The following INTS6 variants were observed in gnomAD, a reference collection of about 807,000 sequenced individuals.
The protein encoded by INTS6 is integrator complex subunit 6.
Under a neutral mutation model 104.9 loss-of-function variants are expected in INTS6, and 16 were observed. The observed-to-expected ratio is 0.15, with a 90% confidence interval of 0.10 to 0.23. The LOEUF is 0.23. Among genes scored for constraint, INTS6 ranks in the 10% least tolerant of loss-of-function variants. INTS6 has a pLI of 1.00. For synonymous variants in INTS6, 324 were observed against 358.7 expected (o/e 0.90, Z 1.09); for missense variants, 584 against 1,062.8 (o/e 0.55, Z 6.26).
chr13:51,394,140 T>C (rs1266063275), intron 5 of INTS6, among the ~76,000 whole-genome samples: 2 of 152,140 alleles, frequency 1.3e-5, no homozygotes, highest in African/African-American at 4.8e-5. Context: ...CGACTGTCAC[T>C]GAAAAATATT....
chr13:51,338,609 TA>T, the INTS6 span, among the ~76,000 whole-genome samples: 1 of 152,216 alleles, frequency 6.6e-6, no homozygotes, highest in Non-Finnish European at 1.5e-5. Context: ...TAGAATAAGT[TA>T]AACCTGTTTA....
chr13:51,364,037 A>C lies in INTS6; in HGVS notation c.*1715T>G, dbSNP rs1033788573. On this transcript the variant is annotated 3_prime_UTR_variant, in exon 18 of 18. Coordinates refer to ENST00000311234, the MANE Select transcript of INTS6 (RefSeq NM_012141.3). ...GTAATTCCAGAATCTAAATATATAT[A>C]ATTTAGGAACAGACAATATATTCTG... The C allele has an allele frequency of 5.5e-5, 19 of 348,378 alleles. No individual in the cohort carries two copies. Among genetic ancestry groups the C allele is most frequent in the Non-Finnish European group, 4.6e-5 (9 of 196,514 alleles). 21.6% of individuals were successfully genotyped at this position (348,378 alleles called of 1,614,324 possible).
chr13:51,367,305 T>C (rs1310876692), intron 17 of INTS6, among the ~76,000 whole-genome samples: 2 of 152,002 alleles, frequency 1.3e-5, no homozygotes, highest in East Asian at 1.9e-4. Flanking sequence ...CAATCTGTGG[T>C]TGCTTGAATC....
chr13:51,449,842 T>G, intron 3 of INTS6: 1 of 985,388 alleles, frequency 1.0e-6, no homozygotes, highest in East Asian at 1.1e-4. Flanking sequence ...CATAAAAGTA[T>G]TAATGTGGTA....
chr13:51,450,412 C>T, intron 3 of INTS6: 2 of 985,190 alleles, frequency 2.0e-6, no homozygotes, highest in Non-Finnish European at 2.4e-6. Context: ...TATTTTCCAG[C>T]AGTCTTTTTT....
At chr13:51,340,773 G>T in the INTS6 span, 1 of 426,116 alleles carries the variant, frequency 2.3e-6, no homozygotes. Flanking sequence ...CTTTGCTTCT[G>T]ATCTGACCAG....
At chr13:51,386,017 G>A (rs1044546058) in intron 7 of INTS6, among the ~76,000 whole-genome samples, 2 of 152,116 alleles carry the variant, frequency 1.3e-5, no homozygotes, top group Non-Finnish European at 2.9e-5. Context: ...AAAGTCATAA[G>A]CAATTTGGTT....
chr13:51,449,532 C>T (rs1416604068), intron 3 of INTS6: 9 of 984,970 alleles, frequency 9.1e-6, no homozygotes, highest in Non-Finnish European at 1.1e-5. Flanking sequence ...TGTCCAAATG[C>T]CTTGACCACT....
intron 15 of INTS6, among the ~76,000 whole-genome samples, chr13:51,372,717 C>A (rs930174845): frequency 1.3e-5 from 2 of 152,212 alleles, no homozygotes; most frequent in African/African-American, 4.8e-5. Flanking sequence ...CTCCCCTGCT[C>A]TGGTCCCAAC....
At chr13:51,398,351 A>G (rs1298976814) in intron 4 of INTS6, among the ~76,000 whole-genome samples, 2 of 152,304 alleles carry the variant, frequency 1.3e-5, no homozygotes, top group African/African-American at 4.8e-5. Context: ...AAAGTTAGTC[A>G]CTAGAAAAAT....
chr13:51,403,582 A>AAAAAAAAAAAAG lies in INTS6; in HGVS notation c.430-8111_430-8100dup, dbSNP rs1329533584. On this transcript the variant is annotated intron_variant, in intron 4 of 17. Coordinates refer to ENST00000311234, the MANE Select transcript of INTS6 (RefSeq NM_012141.3). ...GGGGGACAGAGTGAGACTCCATTTC[A>AAAAAAAAAAAAG]AAAAAAAAAAAGAAAAAAAAAAGAA... 1.5e-4 allele frequency among the ~76,000 whole-genome samples: 22 copies of AAAAAAAAAAAAG among 144,960 alleles called. 2 individuals carry two copies. The highest frequency in any genetic ancestry group is 8.5e-4 in the Admixed American group (12 of 14,088).
chr13:51,355,494 T>A (rs936635869), intron 3 of INTS6, among the ~76,000 whole-genome samples: 2 of 152,132 alleles, frequency 1.3e-5, no homozygotes, highest in Non-Finnish European at 2.9e-5. Context: ...TGCTGTCCCA[T>A]CAGCTTCAGT....
chr13:51,437,924 G>C (rs1952720519), intron 3 of INTS6: 1 of 152,356 alleles, frequency 6.6e-6, no homozygotes, highest in South Asian at 2.1e-4. Context: ...CACAAGAATT[G>C]TTTGAACCTG....
At chr13:51,366,444 G>T (rs756285038) in intron 17 of INTS6, among the ~76,000 whole-genome samples, 1 of 151,904 alleles carries the variant, frequency 6.6e-6, no homozygotes, top group Non-Finnish European at 1.5e-5. Flanking sequence ...TAACAAATAT[G>T]GACAGACTAA....
downstream of INTS6, among the ~76,000 whole-genome samples, chr13:51,350,387 C>T (rs1172090329): frequency 6.6e-6 from 1 of 151,986 alleles, no homozygotes; most frequent in East Asian, 1.9e-4. Context: ...TGTTTATAAC[C>T]ACAATCATAT....
In INTS6 at chr13:51,355,091, G is replaced by A. The variant is rs760160716; in HGVS notation, n.431-755C>T. 7 of 1,552,100 alleles carry A rather than the reference G, an allele frequency of 4.5e-6. No individual in the cohort carries two copies. The South Asian group carries it at 7.1e-5, about 16-fold the overall frequency. On this transcript the variant is annotated intron_variant and non_coding_transcript_variant, in intron 3 of 3. Coordinates refer to the INTS6 transcript ENST00000476666. ...ACTTAAAAAGCATTTTAAATTCTTG[G>A]GGAGTCACCGATCTTTTTGATCCAC... is the stretch of plus-strand genomic sequence containing the variant.
intron 4 of INTS6, among the ~76,000 whole-genome samples, chr13:51,406,584 T>C (rs916210145): frequency 6.6e-6 from 1 of 152,186 alleles, no homozygotes; most frequent in South Asian, 2.1e-4. Flanking sequence ...CAAGCTATTG[T>C]CAAGACTAAA....
chr13:51,341,394 C>A, the INTS6 span: 1 of 1,504,550 alleles, frequency 6.6e-7, no homozygotes, highest in Non-Finnish European at 9.0e-7. Context: ...CCTGTTCACA[C>A]TCACACTCTC....
chr13:51,407,194 T>C (rs1956585613), intron 4 of INTS6, among the ~76,000 whole-genome samples: 2 of 152,222 alleles, frequency 1.3e-5, no homozygotes, highest in African/African-American at 4.8e-5. Flanking sequence ...AATGACCTCC[T>C]TGACCAGATC....
Sources: allele counts gnomAD v4.1 joint callset (sites outside exome capture counted in the v4.1 genomes callset), GRCh38; gene constraint gnomAD v4.1.1; transcripts MANE v1.5; gene names NCBI Gene and HGNC (gene_info 2026-07-23, HGNC 2026-07-21).